Variants in GABRA1 observed in about 807,000 individuals in gnomAD.
GABRA1 encodes the protein gamma-aminobutyric acid type A receptor subunit alpha1, also known as gamma-aminobutyric acid receptor subunit alpha-1.
A neutral mutation model predicts 48.9 loss-of-function variants in GABRA1; 9 were observed. The ratio of observed to expected loss-of-function variants is 0.18; its 90% CI spans 0.11 to 0.32. The LOEUF (loss-of-function observed/expected upper bound fraction) is 0.32. Among genes scored for constraint, GABRA1 ranks in the 10% least tolerant of loss-of-function variants. The probability of loss-of-function intolerance (pLI) is 1.00; values close to 1 mark genes in which losing one functional copy is unlikely to be tolerated. For synonymous variants in GABRA1, 210 were observed against 198.7 expected, an observed-to-expected ratio of 1.06 and a Z score of -0.48; for missense variants, 285 against 553.8, an observed-to-expected ratio of 0.51 and a Z score of 4.87.
chr5:161,865,458 C>T (rs1758013347), intron 3 of GABRA1, among the ~76,000 whole-genome samples: 2 of 152,100 alleles, frequency 1.3e-5, no homozygotes, highest in South Asian at 4.1e-4. Flanking sequence ...TATGTCCACT[C>T]TTGAAGAATT....
intron 4 of GABRA1, among the ~76,000 whole-genome samples, chr5:161,866,808 A>C (rs1753881002): frequency 6.6e-6 from 1 of 152,130 alleles, no homozygotes; most frequent in Admixed American, 6.6e-5. Flanking sequence ...CAAGAGGATA[A>C]TCAGATATTT....
intron 6 of GABRA1, among the ~76,000 whole-genome samples, chr5:161,878,132 A>G (rs571023077): frequency 6.6e-6 from 1 of 152,312 alleles, no homozygotes; most frequent in African/African-American, 2.4e-5. Flanking sequence ...GTTCTCAGTA[A>G]ATATTTATTG....
At chr5:161,891,933 A>T (rs992056567) in intron 8 of GABRA1, among the ~76,000 whole-genome samples, 7 of 152,092 alleles carry the variant, frequency 4.6e-5, no homozygotes, top group Non-Finnish European at 1.0e-4. Context: ...GTATTACTTA[A>T]CTATAAAACA....
chr5:161,851,466 T>A lies in GABRA1; in HGVS notation c.74+582T>A, dbSNP rs557272131. On this transcript the variant is annotated intron_variant, in intron 2 of 9. Transcript: ENST00000393943. ...CCCTATTAAAAAAACAATTACTAATTGTTTATAAAGCTTAATCATAGTCAA... is the reference window on the plus strand; with the variant it reads ...CCCTATTAAAAAAACAATTACTAATAGTTTATAAAGCTTAATCATAGTCAA... Among the ~76,000 whole-genome samples, 43 of 152,254 alleles carry A rather than the reference T, an allele frequency of 2.8e-4. 1 individual carries two copies. The highest frequency in any genetic ancestry group is 7.5e-4 in the African/African-American group (31 of 41,572).
intron 6 of GABRA1, among the ~76,000 whole-genome samples, chr5:161,880,497 A>T (rs529794930): frequency 5.7e-4 from 87 of 152,336 alleles, no homozygotes; most frequent in Non-Finnish European, 1.1e-3. Flanking sequence ...CATTTTTAAG[A>T]CCATGAGGAT....
chr5:161,858,169 T>C (rs1339376723), intron 3 of GABRA1, among the ~76,000 whole-genome samples: 3 of 151,474 alleles, frequency 2.0e-5, no homozygotes, highest in Non-Finnish European at 3.0e-5. Flanking sequence ...TAGTTTTAAA[T>C]CAGGACGAAA....
chr5:161,864,367 A>G (rs1757974843), intron 3 of GABRA1, among the ~76,000 whole-genome samples: 2 of 151,994 alleles, frequency 1.3e-5, no homozygotes, highest in South Asian at 4.1e-4. Flanking sequence ...TTGTATTGTT[A>G]TTGAAGGGAA....
chr5:161,896,264 T>C (rs1159285352), intron 9 of GABRA1, among the ~76,000 whole-genome samples: 1 of 152,222 alleles, frequency 6.6e-6, no homozygotes, highest in African/African-American at 2.4e-5. Flanking sequence ...TTTCTGAGCC[T>C]AATCATTTGG....
chr5:161,864,504 G>T (rs571714112), intron 3 of GABRA1, among the ~76,000 whole-genome samples: 1 of 151,966 alleles, frequency 6.6e-6, no homozygotes, highest in Non-Finnish European at 1.5e-5. Flanking sequence ...AAGGGAAAAG[G>T]GCCAGCTCTT....
intron 1 of GABRA1, chr5:161,850,581 G>C (rs1246668524): frequency 1.7e-6 from 1 of 600,268 alleles, no homozygotes; most frequent in East Asian, 2.8e-5. Flanking sequence ...TTTTACAGGA[G>C]AATAAGGACA....
At position 161,870,146 on chromosome 5, in the gene GABRA1, T is replaced by G. The variant is rs78064949; in HGVS notation, c.256-2971T>G. 5.5e-3 allele frequency among the ~76,000 whole-genome samples: 837 copies of G among 152,238 alleles called. 4 individuals are homozygous for G. The highest frequency in any genetic ancestry group is 0.019 in the African/African-American group (773 of 41,554). On this transcript the variant is annotated intron_variant, in intron 4 of 9. Coordinates refer to ENST00000393943, the MANE Select transcript of GABRA1 (RefSeq NM_001127644.2). ...TATCCCATTTTATAGATTAAGAAAC[T>G]GGGGACTTAGCAAGCGTAAAATAAT... is the stretch of plus-strand genomic sequence containing the variant.
At chr5:161,887,905 CA>C (rs1581212121) in intron 7 of GABRA1, among the ~76,000 whole-genome samples, 1 of 152,050 alleles carries the variant, frequency 6.6e-6, no homozygotes, top group Non-Finnish European at 1.5e-5. Context: ...ATTAATTGGA[CA>C]AATCGGGAAA....
rs546239191 is a variant in GABRA1, at chr5:161,898,921, G to A, written c.*1499G>A. 2.6e-5 allele frequency: 4 copies of A among 152,570 alleles called. No individual in the cohort carries two copies. The highest frequency in any genetic ancestry group is 5.9e-5 in the Non-Finnish European group (4 of 67,958). 9.5% of individuals were successfully genotyped at this position (152,570 alleles called of 1,614,324 possible). A position where few individuals can be genotyped will look rare whatever the true frequency, so the allele number is the denominator to read the frequency against. ...TTATACTGTAGCAATATATTTGTAGGTATACTATGTAAGGGCTTTAAATAA... is the reference window on the plus strand; with the variant it reads ...TTATACTGTAGCAATATATTTGTAGATATACTATGTAAGGGCTTTAAATAA... On this transcript the variant is annotated 3_prime_UTR_variant, in exon 10 of 10. Transcript: ENST00000393943.
At chr5:161,879,973 T>C (rs961120779) in intron 6 of GABRA1, among the ~76,000 whole-genome samples, 3 of 152,206 alleles carry the variant, frequency 2.0e-5, no homozygotes, top group Non-Finnish European at 2.9e-5. Context: ...TTTAGTTTGT[T>C]GTGAAATGAC....
At chr5:161,850,722 C>T (rs2113292972) in intron 1 of GABRA1, 74 bp from the exon 2 acceptor site, 1 of 1,236,134 alleles carries the variant, frequency 8.1e-7, no homozygotes, top group Non-Finnish European at 1.2e-6. Flanking sequence ...TCTAAACTGC[C>T]TCAGTCAGCC....
chr5:161,880,978 TTCC>T, intron 6 of GABRA1, among the ~76,000 whole-genome samples: 1 of 152,314 alleles, frequency 6.6e-6, no homozygotes, highest in East Asian at 1.9e-4. Context: ...TTGGAGGCCA[TTCC>T]TCCAAGAAGA....
intron 7 of GABRA1, among the ~76,000 whole-genome samples, chr5:161,884,773 G>T (rs562259452): frequency 6.6e-6 from 1 of 152,124 alleles, no homozygotes. Flanking sequence ...AGTCTCAAAG[G>T]TTGCTTAGAG....
intron 4 of GABRA1, 122 bp downstream of exon 4, chr5:161,865,910 T>G (rs1167703661): frequency 3.9e-6 from 3 of 768,144 alleles, no homozygotes; most frequent in Non-Finnish European, 6.9e-6. Context: ...TTTTGTGTCT[T>G]TCTGTGTGTA....
intron 7 of GABRA1, 71 bp from the exon 8 acceptor site, chr5:161,890,827 A>C: frequency 7.2e-7 from 1 of 1,383,474 alleles, no homozygotes. Context: ...TTTGGTACTC[A>C]TAGTAAACCT....
Sources: gnomAD v4.1 joint callset for allele counts (sites outside exome capture counted in the v4.1 genomes callset) on GRCh38, gnomAD v4.1.1 for gene constraint, MANE v1.5 for transcripts, NCBI Gene and HGNC (gene_info 2026-07-23, HGNC 2026-07-21) for gene names.